Variants in SLIT1 observed in about 807,000 individuals in gnomAD.
The protein encoded by SLIT1 is slit guidance ligand 1.
In SLIT1, 66 loss-of-function variants were observed where a neutral mutation model predicts 186.1. The observed-to-expected ratio is 0.35, with a 90% CI of 0.29 to 0.44. SLIT1 has a LOEUF of 0.44. SLIT1 is among the 20% of genes least tolerant of loss of function. SLIT1 has a pLI of 1.00. For missense variants in SLIT1, 1,638 were observed against 2,037.4 expected (o/e 0.80, Z 3.77); for synonymous variants, 761 against 833.8 (o/e 0.91, Z 1.50).
At chr10:97,180,768 C>G (rs527833837) in intron 1 of SLIT1, among the ~76,000 whole-genome samples, 3 of 152,216 alleles carry the variant, frequency 2.0e-5, no homozygotes, top group Admixed American at 6.5e-5. Flanking sequence ...AGACAGACTG[C>G]GCTCTAAGCA....
At chr10:97,019,735 G>A (rs759637921) in intron 26 of SLIT1, among the ~76,000 whole-genome samples, 11 of 152,076 alleles carry the variant, frequency 7.2e-5, no homozygotes, top group Non-Finnish European at 1.2e-4. Context: ...CAGAGGAGCC[G>A]ACAGCCAGGC....
At chr10:97,067,848 G>T (rs899749149) in intron 4 of SLIT1, among the ~76,000 whole-genome samples, 2 of 151,998 alleles carry the variant, frequency 1.3e-5, no homozygotes, top group South Asian at 2.1e-4. Context: ...GGGCTTTGAC[G>T]GTGCCCTTCC....
intron 23 of SLIT1, among the ~76,000 whole-genome samples, chr10:97,033,754 G>T (rs997079232): frequency 1.3e-5 from 2 of 151,858 alleles, no homozygotes; most frequent in Non-Finnish European, 2.9e-5. Context: ...ATGCTGTAAA[G>T]AAAATAAAAG....
intron 36 of SLIT1, among the ~76,000 whole-genome samples, chr10:97,001,564 G>T (rs1471094473): frequency 1.3e-5 from 2 of 151,996 alleles, no homozygotes; most frequent in African/African-American, 4.8e-5. Flanking sequence ...TAGCGTCAGG[G>T]CCCTCCAGGA....
intron 4 of SLIT1, among the ~76,000 whole-genome samples, chr10:97,144,370 TGAA>T (rs1361379876): frequency 6.6e-6 from 1 of 152,230 alleles, no homozygotes; most frequent in East Asian, 1.9e-4. Context: ...GTTAATCTAA[TGAA>T]GAACTCTACA....
In SLIT1 at chr10:97,047,064, G is replaced by A; in HGVS notation, c.1636C>T (p.Arg546Ter). ...ERIPQSTAEL[R>*]LNNNEISILE... Reference sequence around the variant, plus strand: ...ATGGAAATCTCATTGTTATTCAATCGCCTGTAAGAGACAAGAATGAACTTG... The same window carrying A: ...ATGGAAATCTCATTGTTATTCAATCACCTGTAAGAGACAAGAATGAACTTG... Residue 546 changes from arginine to a stop codon, truncating the protein, a stop_gained and splice_region_variant, in exon 17 of 37, where the codon CGA becomes TGA. Transcript: ENST00000266058. LOFTEE classifies it high-confidence loss of function. The A allele has an allele frequency of 1.3e-6, 2 of 1,597,224 alleles. No homozygotes were observed. The highest frequency in any genetic ancestry group is 8.6e-7 in the Non-Finnish European group (1 of 1,164,806).
intron 4 of SLIT1, among the ~76,000 whole-genome samples, chr10:97,108,978 A>G (rs945006106): frequency 6.6e-6 from 1 of 151,454 alleles, no homozygotes. Context: ...GAGTGCAGCG[A>G]CAAAGGACAA....
At chr10:97,083,814 G>C (rs923871532) in intron 4 of SLIT1, among the ~76,000 whole-genome samples, 1 of 152,196 alleles carries the variant, frequency 6.6e-6, no homozygotes, top group African/African-American at 2.4e-5. Flanking sequence ...GAGAGGCTTC[G>C]TTCAGAAGTC....
intron 1 of SLIT1, among the ~76,000 whole-genome samples, chr10:97,178,905 A>G (rs919559371): frequency 2.6e-5 from 4 of 152,186 alleles, no homozygotes; most frequent in African/African-American, 7.2e-5. Flanking sequence ...TTTAACAAAA[A>G]GTTAAATTTC....
intron 15 of SLIT1, 49 bp from the exon 16 acceptor site, chr10:97,047,883 C>T (rs1172153714): frequency 6.2e-7 from 1 of 1,613,464 alleles, no homozygotes; most frequent in Admixed American, 1.7e-5. Flanking sequence ...GGGCCGGCTC[C>T]CAGCAGTTTG....
intron 1 of SLIT1, among the ~76,000 whole-genome samples, chr10:97,169,201 AAGCCCACCCC>A (rs1850155861): frequency 6.6e-6 from 1 of 152,188 alleles, no homozygotes; most frequent in South Asian, 2.1e-4. Context: ...AAAGAGGCCC[AAGCCCACCCC>A]AGCCTGCCGC....
At chr10:97,023,933 A>T (rs1238164589) in intron 25 of SLIT1, among the ~76,000 whole-genome samples, 1 of 151,740 alleles carries the variant, frequency 6.6e-6, no homozygotes, top group Non-Finnish European at 1.5e-5. Context: ...CAAGACTGAA[A>T]CTCAGTGGAA....
rs112148063 is a variant in SLIT1, at chr10:97,059,541, GAGC to G, written c.1014-13_1014-11del. ...ATTGTTGCTCAGGTCTCTGCAAGGT[GAGC>G]AGAAGGAGAGGGGGCATCTGAATCC... On this transcript the variant is annotated splice_polypyrimidine_tract_variant and intron_variant, in intron 10 of 36. Transcript: ENST00000266058. The G allele has an allele frequency of 2.1e-5, 34 of 1,612,576 alleles. No individual in the cohort carries two copies. In the African/African-American group the frequency reaches 2.8e-4, roughly 13 times the overall value.
At position 97,040,852 on chromosome 10, in the gene SLIT1, G is replaced by A. The variant is rs139327689; in HGVS notation, c.2165-732C>T. The stretch of plus-strand genomic sequence containing the variant: ...GAGAGATGATAATATCACCACGGTC[G>A]GAGTTCTTGAGGACACTGGGATGCT... On this transcript the variant is annotated intron_variant, in intron 20 of 36. Coordinates refer to ENST00000266058, the MANE Select transcript of SLIT1 (RefSeq NM_003061.3). Among the ~76,000 whole-genome samples the A allele has an allele frequency of 8.5e-5, 13 of 152,216 alleles. No homozygotes were observed. The East Asian group carries it at 1.4e-3, about 16-fold the overall frequency.
At chr10:97,121,389 T>A (rs1050630279) in intron 4 of SLIT1, among the ~76,000 whole-genome samples, 1 of 152,114 alleles carries the variant, frequency 6.6e-6, no homozygotes, top group Admixed American at 6.5e-5. Context: ...CCTTCAAACA[T>A]GTGCAGAGCC....
At chr10:97,166,628 A>AGAAAGAAAGAAAG (rs1373795152) in intron 1 of SLIT1, among the ~76,000 whole-genome samples, 4 of 146,200 alleles carry the variant, frequency 2.7e-5, no homozygotes, top group Non-Finnish European at 6.0e-5. Context: ...AGAAAGAGAA[A>AGAAAGAAAGAAAG]AGAAAAGAAA....
At chr10:97,089,684 G>C (rs1371093523) in intron 4 of SLIT1, among the ~76,000 whole-genome samples, 1 of 152,100 alleles carries the variant, frequency 6.6e-6, no homozygotes, top group Non-Finnish European at 1.5e-5. Context: ...GGGGAGGGAG[G>C]CTTCAGCTGG....
At chr10:97,144,722 C>T (rs1564687235) in intron 4 of SLIT1, among the ~76,000 whole-genome samples, 1 of 152,204 alleles carries the variant, frequency 6.6e-6, no homozygotes, top group Admixed American at 6.5e-5. Flanking sequence ...AGCAACCCCC[C>T]AGCCAAAACC....
chr10:97,139,524 C>T (rs1332563681), intron 4 of SLIT1, among the ~76,000 whole-genome samples: 1 of 152,112 alleles, frequency 6.6e-6, no homozygotes, highest in Non-Finnish European at 1.5e-5. Context: ...GAAATAGTTG[C>T]TCTGTGACAG....
Sources: gnomAD v4.1 joint callset for allele counts (sites outside exome capture counted in the v4.1 genomes callset) on GRCh38, gnomAD v4.1.1 for gene constraint, MANE v1.5 for transcripts, NCBI Gene and HGNC (gene_info 2026-07-23, HGNC 2026-07-21) for gene names.